ADGRL2: variants seen among roughly 807,000 people sequenced by gnomAD.
ADGRL2 encodes calcium-independent alpha-latrotoxin receptor 2.
In ADGRL2, 44 loss-of-function variants were observed where a neutral mutation model predicts 157.4. The observed-to-expected ratio is 0.28, with a 90% CI of 0.22 to 0.36. The LOEUF (loss-of-function observed/expected upper bound fraction) is 0.36, where lower values mean the gene tolerates loss of function less well. Ranked by LOEUF, ADGRL2 falls within the 10% of genes least tolerant of loss-of-function variation. The pLI is 1.00. For synonymous variants in ADGRL2, 585 were observed against 624.7 expected (o/e 0.94, Z 0.95); for missense variants, 1,510 against 1,768.9 (o/e 0.85, Z 2.63).
At chr1:81,542,541 A>G (rs1246395329) in intron 2 of ADGRL2, among the ~76,000 whole-genome samples, 3 of 152,218 alleles carry the variant, frequency 2.0e-5, no homozygotes, top group Non-Finnish European at 2.9e-5. Flanking sequence ...CCCACCTTTC[A>G]AACCTGTGCA....
At chr1:81,739,544 T>C (rs2085006469) in intron 1 of ADGRL2, among the ~76,000 whole-genome samples, 1 of 152,192 alleles carries the variant, frequency 6.6e-6, no homozygotes, top group African/African-American at 2.4e-5. Context: ...AGACATTATA[T>C]AAGCTACTCT....
At chr1:81,572,219 T>C (rs936698119) in intron 2 of ADGRL2, among the ~76,000 whole-genome samples, 4 of 152,232 alleles carry the variant, frequency 2.6e-5, no homozygotes, top group Non-Finnish European at 5.9e-5. Context: ...CAGTTGTTTT[T>C]ACTTTGAGGC....
intron 4 of ADGRL2, among the ~76,000 whole-genome samples, chr1:81,938,715 T>C (rs762960242): frequency 5.3e-5 from 8 of 151,734 alleles, no homozygotes; most frequent in Non-Finnish European, 1.2e-4. Context: ...CTATATACTC[T>C]ACAGTAGTGA....
Position 81,650,823 on chromosome 1 carries a change from C to T in ADGRL2, c.-143+69843C>T, listed in dbSNP as rs528303383. Among the ~76,000 whole-genome samples, 3 of 152,240 alleles carry T rather than the reference C, an allele frequency of 2.0e-5. No individual in the cohort carries two copies. In the South Asian group the frequency reaches 6.2e-4, roughly 32 times the overall value. ...CCTTAATCCTACTTGAACTTTTGTA[C>T]CCCATCTTCCAGACATTTGCAAGTC... is the stretch of plus-strand genomic sequence containing the variant. On this transcript the variant is annotated intron_variant, in intron 3 of 24. Transcript: ENST00000370721.
At chr1:81,386,391 G>T (rs2076436210) in intron 1 of ADGRL2, among the ~76,000 whole-genome samples, 1 of 152,084 alleles carries the variant, frequency 6.6e-6, no homozygotes, top group Non-Finnish European at 1.5e-5. Context: ...GCTTTCTCTT[G>T]CAGTGTTTTT....
chr1:81,973,033 C>T (rs958730543), intron 17 of ADGRL2, among the ~76,000 whole-genome samples: 3 of 150,932 alleles, frequency 2.0e-5, no homozygotes, highest in Non-Finnish European at 4.4e-5. Flanking sequence ...TTTTCAAAAA[C>T]GTAACACAAA....
rs533353079 is a variant in ADGRL2 at position 81,810,654 on chromosome 1, T to C, written c.-101+9586T>C. On this transcript the variant is annotated intron_variant, in intron 1 of 23. Transcript: ENST00000686636. ...AAACATTAATTTTGATAATATTCTA[T>C]GCTTATGTATTTTTGTCCTAGTAAT... is the stretch of plus-strand genomic sequence containing the variant. Among the ~76,000 whole-genome samples, 12 of 152,018 alleles carry C rather than the reference T, an allele frequency of 7.9e-5. No homozygotes were observed. The South Asian group carries it at 2.5e-3, about 31-fold the overall frequency.
At chr1:81,679,732 CAAG>C (rs772300267) in intron 3 of ADGRL2, among the ~76,000 whole-genome samples, 17 of 152,102 alleles carry the variant, frequency 1.1e-4, no homozygotes, top group Non-Finnish European at 2.2e-4. Context: ...AGAGTTTAAA[CAAG>C]AAATATTTGT....
chr1:81,876,277 T>C (rs898827011), intron 2 of ADGRL2, among the ~76,000 whole-genome samples: 4 of 152,164 alleles, frequency 2.6e-5, no homozygotes, highest in Non-Finnish European at 5.9e-5. Context: ...AAGCGGATAC[T>C]TGTAAGTTAA....
intron 1 of ADGRL2, among the ~76,000 whole-genome samples, chr1:81,730,618 G>A (rs1285485192): frequency 6.6e-6 from 1 of 151,956 alleles, no homozygotes. Flanking sequence ...AGCTACTTAG[G>A]AGGCTGAGGC....
chr1:81,610,759 G>A (rs563766590), intron 3 of ADGRL2, among the ~76,000 whole-genome samples: 13 of 152,250 alleles, frequency 8.5e-5, no homozygotes, highest in African/African-American at 3.1e-4. Context: ...GAACAAAACT[G>A]AGGATATCTT....
intron 2 of ADGRL2, among the ~76,000 whole-genome samples, chr1:81,474,471 G>A (rs528369410): frequency 6.6e-6 from 1 of 152,298 alleles, no homozygotes; most frequent in South Asian, 2.1e-4. Flanking sequence ...GGGGAAAGAT[G>A]CTTCCTGGTA....
At chr1:81,506,803 G>T (rs1438742067) in intron 2 of ADGRL2, among the ~76,000 whole-genome samples, 7 of 152,150 alleles carry the variant, frequency 4.6e-5, no homozygotes, top group African/African-American at 1.4e-4. Flanking sequence ...GTTAACGCCT[G>T]CAACAAAAAA....
intron 2 of ADGRL2, among the ~76,000 whole-genome samples, chr1:81,898,247 C>A (rs1158006125): frequency 6.6e-6 from 1 of 152,202 alleles, no homozygotes; most frequent in African/African-American, 2.4e-5. Flanking sequence ...GCAACAGTTT[C>A]ATATTTCTGT....
rs1342059572 is a variant in ADGRL2 at position 81,950,194 on chromosome 1, A to T, written c.1216A>T (p.Thr406Ser). 6.2e-7 allele frequency: 1 copy of T among 1,613,392 alleles called. No homozygotes were observed. Among genetic ancestry groups the T allele is most frequent in the Non-Finnish European group, 8.5e-7 (1 of 1,179,588 alleles). ...FGPPDPAQVP[T>S]TAVTITSSAE... is the part of the protein sequence containing the mutation. Reference sequence around the variant, plus strand: ...TACTCATCTTTTTTCCATAGTGCCTACCACAGCTGTGACAATAACTTCTTC... The same window carrying T: ...TACTCATCTTTTTTCCATAGTGCCTTCCACAGCTGTGACAATAACTTCTTC... The change falls in exon 7 of 24, where the codon ACC (threonine) becomes TCC (serine). Residue 406 changes from threonine (T) to serine (S), a missense_variant. Physicochemically the swap from Thr to Ser is moderately conservative, Grantham distance 58. This residue lies in a region of ADGRL2 where 325 missense variants were observed against 333.2 expected (regional missense o/e 0.98). Transcript: ENST00000686636.
chr1:81,933,268 C>G (rs944916115), intron 3 of ADGRL2, among the ~76,000 whole-genome samples: 1 of 152,118 alleles, frequency 6.6e-6, no homozygotes, highest in Non-Finnish European at 1.5e-5. Context: ...TTGCCTTGTT[C>G]TCATTCATAC....
At chr1:81,670,868 T>C (rs1306578900) in intron 3 of ADGRL2, among the ~76,000 whole-genome samples, 2 of 152,088 alleles carry the variant, frequency 1.3e-5, no homozygotes, top group Non-Finnish European at 2.9e-5. Context: ...CGCCACCATG[T>C]CCAGCTAATT....
At chr1:81,786,530 C>T (rs1386121270) in intron 2 of ADGRL2, among the ~76,000 whole-genome samples, 1 of 151,750 alleles carries the variant, frequency 6.6e-6, no homozygotes, top group African/African-American at 2.4e-5. Context: ...GAGCCAAGAT[C>T]GTGCCACTGC....
At chr1:81,341,473 G>T (rs1662069962) in intron 1 of ADGRL2, among the ~76,000 whole-genome samples, 1 of 151,442 alleles carries the variant, frequency 6.6e-6, no homozygotes, top group East Asian at 1.9e-4. Context: ...TTTTATGTAG[G>T]CCTATTTTTA....
Sources: allele counts gnomAD v4.1 joint callset (sites outside exome capture counted in the v4.1 genomes callset), GRCh38; gene constraint gnomAD v4.1.1; regional missense constraint gnomAD v4.1.1; transcripts MANE v1.5; gene names NCBI Gene and HGNC (gene_info 2026-07-23, HGNC 2026-07-21).